Variants in NIBAN2 observed in about 807,000 individuals in gnomAD.
NIBAN2 encodes the protein niban apoptosis regulator 2, also known as protein Niban 2.
A neutral mutation model predicts 81.8 loss-of-function variants in NIBAN2; 36 were observed. The ratio of observed to expected loss-of-function variants is 0.44; its 90% CI spans 0.34 to 0.58. NIBAN2 has a LOEUF of 0.58. Among genes scored for constraint, NIBAN2 ranks in the 20% least tolerant of loss-of-function variants. The pLI is 0.02. For missense variants in NIBAN2, 897 were observed against 1,014.1 expected (o/e 0.88, Z 1.57); for synonymous variants, 445 against 441.6 (o/e 1.01, Z -0.10).
chr9:127,535,884 TC>T (rs898054499), intron 1 of NIBAN2, among the ~76,000 whole-genome samples: 5 of 151,242 alleles, frequency 3.3e-5, no homozygotes, highest in Admixed American at 3.3e-4. Flanking sequence ...AGTTACTAAG[TC>T]CAAACAAGGG....
chr9:127,562,207 C>CT (rs1837786434), intron 1 of NIBAN2, among the ~76,000 whole-genome samples: 2 of 152,158 alleles, frequency 1.3e-5, no homozygotes, highest in Non-Finnish European at 2.9e-5. Flanking sequence ...CTTCCTCTCC[C>CT]CGCCTCCGAA....
chr9:127,565,698 A>C (rs775452079), intron 1 of NIBAN2, among the ~76,000 whole-genome samples: 8 of 148,402 alleles, frequency 5.4e-5, no homozygotes, highest in South Asian at 2.1e-4. Context: ...CAGGAGAATC[A>C]CTTGAACCCA....
intron 1 of NIBAN2, among the ~76,000 whole-genome samples, chr9:127,551,512 G>C (rs1233297619): frequency 6.6e-6 from 1 of 150,622 alleles, no homozygotes; most frequent in Admixed American, 6.6e-5. Flanking sequence ...AACAGAGCGA[G>C]ACTCTGTCTC....
chr9:127,558,593 G>A (rs894104115), intron 1 of NIBAN2, among the ~76,000 whole-genome samples: 1 of 152,118 alleles, frequency 6.6e-6, no homozygotes, highest in African/African-American at 2.4e-5. Context: ...ATCAAGGCAG[G>A]GCTAGGGGAG....
intron 1 of NIBAN2, among the ~76,000 whole-genome samples, chr9:127,552,935 G>A (rs910121590): frequency 2.0e-5 from 3 of 152,000 alleles, no homozygotes; most frequent in African/African-American, 7.2e-5. Context: ...CAGGTGATCC[G>A]CCTGTCTCAG....
chr9:127,555,905 G>A (rs1837659753), intron 1 of NIBAN2, among the ~76,000 whole-genome samples: 1 of 152,130 alleles, frequency 6.6e-6, no homozygotes, highest in South Asian at 2.1e-4. Context: ...AGCTTGACTG[G>A]GCTGTTTCAG....
rs774581146 is a variant in NIBAN2, at chr9:127,507,112, G to C, written c.1974C>G (p.Ala658=). 8.2e-6 allele frequency: 13 copies of C among 1,587,312 alleles called. No individual in the cohort carries two copies. In the East Asian group the frequency reaches 3.0e-4, roughly 36 times the overall value. The change falls in exon 14 of 14, where the codon GCC becomes GCG. Residue 658 remains alanine (A), a synonymous_variant. Transcript: ENST00000373312. This position sits in a 1 kb window ranked among gnomAD's most constrained non-coding sequence, Gnocchi z 6.8. ...GGGGGCTCTCAGGCCGCAGACCTTG[G>C]GCCAGCAGGCCTCGGATCTCAGTGA... is the stretch of plus-strand genomic sequence containing the variant. The part of the protein sequence containing the change: ...DGVTEIRGLL[A]QGLRPESPPP...
upstream of NIBAN2, among the ~76,000 whole-genome samples, chr9:127,572,988 T>C (rs1455668385): frequency 2.0e-5 from 3 of 152,146 alleles, no homozygotes; most frequent in Admixed American, 1.3e-4. Flanking sequence ...GAGGCTGCAG[T>C]GTGCTGTGAT....
At chr9:127,540,315 G>A (rs1246784533) in intron 1 of NIBAN2, among the ~76,000 whole-genome samples, 2 of 152,190 alleles carry the variant, frequency 1.3e-5, no homozygotes, top group African/African-American at 4.8e-5. Context: ...TGTGCAGATA[G>A]GGGAACTGAG....
chr9:127,524,862 G>A (rs1484589543), intron 4 of NIBAN2, 196 bp downstream of exon 4: 2 of 552,968 alleles, frequency 3.6e-6, no homozygotes, highest in Non-Finnish European at 6.5e-6. Flanking sequence ...GAAGGTCACT[G>A]AACATCTTCC....
chr9:127,552,687 T>TTG (rs1554768655), intron 1 of NIBAN2, among the ~76,000 whole-genome samples: 6 of 135,066 alleles, frequency 4.4e-5, no homozygotes, highest in Non-Finnish European at 9.5e-5. Flanking sequence ...AATATTCGTT[T>TTG]TTTTTTTTTT....
At chr9:127,531,107 A>C (rs1837170331) in intron 2 of NIBAN2, among the ~76,000 whole-genome samples, 1 of 151,864 alleles carries the variant, frequency 6.6e-6, no homozygotes. Context: ...TTGAGCCAGG[A>C]AGGTTGAGGC....
chr9:127,562,697 T>C (rs767489489), intron 1 of NIBAN2, among the ~76,000 whole-genome samples: 3 of 152,040 alleles, frequency 2.0e-5, no homozygotes, highest in Admixed American at 6.6e-5. Context: ...GGCTGGGAGA[T>C]GAATCGGTCT....
chr9:127,536,638 C>T lies in NIBAN2; in HGVS notation c.56-4860G>A, dbSNP rs143825019. 7.2e-5 allele frequency among the ~76,000 whole-genome samples: 11 copies of T among 152,354 alleles called. No homozygotes were observed. Among genetic ancestry groups the T allele is most frequent in the Middle Eastern group, 3.4e-3 (1 of 294 alleles). ...CAGCCTCTGGAGACACCACACGCCA[C>T]GGATTTGGGGCAGATGTTGGACAGG... is the stretch of plus-strand genomic sequence containing the variant. On this transcript the variant is annotated intron_variant, in intron 1 of 13. Coordinates refer to ENST00000373312, the MANE Select transcript of NIBAN2 (RefSeq NM_022833.4). This position sits in a 1 kb window ranked among gnomAD's most constrained non-coding sequence, Gnocchi z 4.0.
chr9:127,566,168 T>C (rs954293423), intron 1 of NIBAN2, among the ~76,000 whole-genome samples: 3 of 151,996 alleles, frequency 2.0e-5, no homozygotes, highest in Non-Finnish European at 4.4e-5. Flanking sequence ...TTGCAGGCAT[T>C]ATACTGGGAC....
intron 1 of NIBAN2, among the ~76,000 whole-genome samples, chr9:127,543,629 G>A (rs760342994): frequency 3.9e-5 from 6 of 152,050 alleles, no homozygotes; most frequent in African/African-American, 1.4e-4. Flanking sequence ...CCTCAGCCCC[G>A]CTCTCCTTCC....
At position 127,517,098 on chromosome 9, in the gene NIBAN2, C is replaced by T; in HGVS notation, c.810+14G>A. The T allele has an allele frequency of 6.2e-7, 1 of 1,612,598 alleles. No homozygotes were observed. The highest frequency in any genetic ancestry group is 8.5e-7 in the Non-Finnish European group (1 of 1,179,064). ...CAGGTCCCGTCCCCGCTCCAGGGCC[C>T]CAGGCCCACCCACCTGGATCCACTG... On this transcript the variant is annotated intron_variant, in intron 7 of 13. Coordinates refer to ENST00000373312, the MANE Select transcript of NIBAN2 (RefSeq NM_022833.4). This position sits in a 1 kb window ranked among gnomAD's most constrained non-coding sequence, Gnocchi z 4.0.
intron 1 of NIBAN2, among the ~76,000 whole-genome samples, chr9:127,562,482 T>C (rs1837790677): frequency 6.6e-6 from 1 of 152,220 alleles, no homozygotes; most frequent in Non-Finnish European, 1.5e-5. Flanking sequence ...CAACCATGTC[T>C]TCAGACAGAA....
chr9:127,521,470 A>AC (rs1006041050), intron 5 of NIBAN2, among the ~76,000 whole-genome samples: 3 of 151,980 alleles, frequency 2.0e-5, no homozygotes, highest in East Asian at 3.9e-4. Context: ...GCCTCCTGCC[A>AC]CCCCCAGCTG....
Sources: allele counts gnomAD v4.1 joint callset (sites outside exome capture counted in the v4.1 genomes callset), GRCh38; gene constraint gnomAD v4.1.1; non-coding constraint Gnocchi (gnomAD v3.1); transcripts MANE v1.5; gene names NCBI Gene and HGNC (gene_info 2026-07-23, HGNC 2026-07-21).